The following PRKN variants were observed in gnomAD, a reference collection of about 807,000 sequenced individuals.
The protein encoded by PRKN is E3 ubiquitin-protein ligase parkin.
In PRKN, 56 loss-of-function variants were observed where a neutral mutation model predicts 59.5. The observed-to-expected ratio is 0.94, with a 90% confidence interval of 0.76 to 1.18. The LOEUF (loss-of-function observed/expected upper bound fraction) is 1.18, where lower values mean the gene tolerates loss of function less well. Ranked by LOEUF, PRKN falls within the 50% of genes most tolerant of loss-of-function variation. PRKN has a pLI of 0.00. For missense variants in PRKN, 657 were observed against 596.4 expected (o/e 1.10, Z -1.06); for synonymous variants, 250 against 222.1 (o/e 1.13, Z -1.12).
intron 1 of PRKN, among the ~76,000 whole-genome samples, chr6:162,718,827 A>G (rs947365542): frequency 1.3e-5 from 2 of 152,252 alleles, no homozygotes; most frequent in Middle Eastern, 3.2e-3. Flanking sequence ...GAGACTTGGT[A>G]TAAAACTCAA....
chr6:162,055,941 A>C (rs1470036345), intron 4 of PRKN, among the ~76,000 whole-genome samples: 1 of 151,788 alleles, frequency 6.6e-6, no homozygotes, highest in Non-Finnish European at 1.5e-5. Flanking sequence ...GTGTGCACAC[A>C]CACATGCATG....
chr6:161,956,222 A>G (rs1165073639), intron 6 of PRKN, among the ~76,000 whole-genome samples: 1 of 152,188 alleles, frequency 6.6e-6, no homozygotes, highest in Non-Finnish European at 1.5e-5. Context: ...TTTGAACACA[A>G]CATTCTTTCT....
intron 2 of PRKN, among the ~76,000 whole-genome samples, chr6:162,318,378 T>G (rs1305249116): frequency 6.6e-6 from 1 of 152,102 alleles, no homozygotes; most frequent in Non-Finnish European, 1.5e-5. Flanking sequence ...ATTTATCCAC[T>G]TATTCATTGA....
At chr6:162,570,268 C>G (rs10080708) in intron 1 of PRKN, among the ~76,000 whole-genome samples, 11,162 of 152,182 alleles carry the variant, frequency 0.073, 448 homozygotes, top group Middle Eastern at 0.13. Flanking sequence ...TTATCTCACC[C>G]CAGGTAAAAT....
intron 7 of PRKN, among the ~76,000 whole-genome samples, chr6:161,662,471 T>C (rs1323360452): frequency 6.6e-6 from 1 of 152,196 alleles, no homozygotes; most frequent in Non-Finnish European, 1.5e-5. Flanking sequence ...CAGTGGCACA[T>C]GGCAGTGGCA....
At chr6:161,534,287 T>C (rs16892737) in intron 9 of PRKN, among the ~76,000 whole-genome samples, 13,545 of 152,188 alleles carry the variant, frequency 0.089, 933 homozygotes, top group African/African-American at 0.19. Context: ...CACTTCCAGG[T>C]CAAATTTCTC....
intron 2 of PRKN, among the ~76,000 whole-genome samples, chr6:162,369,283 AG>A (rs1288580440): frequency 2.0e-5 from 3 of 152,186 alleles, no homozygotes; most frequent in Non-Finnish European, 4.4e-5. Context: ...AGGGAACACA[AG>A]GGAACAGGCA....
rs1219405732 is a variant in PRKN at position 161,403,541 on chromosome 6, TTC to T, written c.1084-16666_1084-16665del. ...TCACAAGCATTTGTTGAGAGGATGC[TTC>T]TCTCTGGCAGTGCAGGGCCTCAGGG... On this transcript the variant is annotated intron_variant, in intron 9 of 11. Coordinates refer to ENST00000366898, the MANE Select transcript of PRKN (RefSeq NM_004562.3). 2.0e-5 allele frequency among the ~76,000 whole-genome samples: 3 copies of T among 152,174 alleles called. No homozygotes were observed. In the East Asian group the frequency reaches 5.8e-4, roughly 29 times the overall value.
At chr6:161,453,489 A>G (rs2115132776) in intron 9 of PRKN, among the ~76,000 whole-genome samples, 1 of 152,320 alleles carries the variant, frequency 6.6e-6, no homozygotes, top group African/African-American at 2.4e-5. Context: ...ATCTACAATC[A>G]GTGGGATTGC....
intron 1 of PRKN, among the ~76,000 whole-genome samples, chr6:162,676,103 TAGAG>T (rs1267416327): frequency 1.3e-5 from 2 of 152,304 alleles, no homozygotes; most frequent in African/African-American, 4.8e-5. Flanking sequence ...TTTTCATACT[TAGAG>T]AGGAAGACAC....
intron 7 of PRKN, among the ~76,000 whole-genome samples, chr6:161,672,077 G>A (rs545604251): frequency 6.6e-6 from 1 of 152,172 alleles, no homozygotes; most frequent in Admixed American, 6.5e-5. Context: ...CAACTTTCTT[G>A]GTAACTCTTG....
intron 4 of PRKN, among the ~76,000 whole-genome samples, chr6:162,193,450 G>T (rs1784371764): frequency 6.6e-6 from 1 of 152,090 alleles, no homozygotes; most frequent in African/African-American, 2.4e-5. Flanking sequence ...TACTTACTCA[G>T]TCCACCTTCG....
intron 5 of PRKN, among the ~76,000 whole-genome samples, chr6:161,983,937 C>T (rs1781341334): frequency 6.6e-6 from 1 of 151,742 alleles, no homozygotes; most frequent in Non-Finnish European, 1.5e-5. Context: ...AAAAGGTTTG[C>T]AGTCATTACT....
intron 7 of PRKN, among the ~76,000 whole-genome samples, chr6:161,638,594 T>C (rs981274302): frequency 7.9e-5 from 12 of 152,200 alleles, no homozygotes; most frequent in African/African-American, 2.7e-4. Context: ...GGTTTGACTA[T>C]GTCCCCACTC....
chr6:161,618,470 CT>C (rs1782774051), intron 7 of PRKN, among the ~76,000 whole-genome samples: 1 of 152,090 alleles, frequency 6.6e-6, no homozygotes, highest in African/African-American at 2.4e-5. Flanking sequence ...CCAGCTTTTC[CT>C]TTTCTCTCTC....
chr6:162,135,885 G>C (rs1234175409), intron 4 of PRKN, among the ~76,000 whole-genome samples: 1 of 151,912 alleles, frequency 6.6e-6, no homozygotes, highest in Non-Finnish European at 1.5e-5. Context: ...GTCATATTAG[G>C]ATGAACTAAG....
chr6:161,466,439 T>G lies in PRKN; in HGVS notation c.1084-79562A>C, dbSNP rs1303477150. On this transcript the variant is annotated intron_variant, in intron 9 of 11. Transcript: ENST00000366898. The surrounding 1 kb of genome is among the most constrained non-coding windows in gnomAD (Gnocchi z 5.0). ...TTTGTTACGGTAGAAATCTAGAAAA[T>G]AGTTTTATCATTTCTCCTCCAGTCA... Among the ~76,000 whole-genome samples, 1 of 152,278 alleles carries G rather than the reference T, an allele frequency of 6.6e-6. No homozygotes were observed. The highest frequency in any genetic ancestry group is 3.4e-3 in the Middle Eastern group (1 of 294).
intron 1 of PRKN, among the ~76,000 whole-genome samples, chr6:162,684,976 C>A (rs1033344384): frequency 6.6e-6 from 1 of 152,002 alleles, no homozygotes; most frequent in South Asian, 2.1e-4. Flanking sequence ...AACATGTTTA[C>A]GGTGTAAAAA....
At chr6:162,232,010 C>T (rs1778443259) in intron 3 of PRKN, among the ~76,000 whole-genome samples, 1 of 152,096 alleles carries the variant, frequency 6.6e-6, no homozygotes, top group African/African-American at 2.4e-5. Flanking sequence ...TCACTGTGAC[C>T]ACTTCCATAC....
Sources: allele counts gnomAD v4.1 joint callset (sites outside exome capture counted in the v4.1 genomes callset), GRCh38; gene constraint gnomAD v4.1.1; non-coding constraint Gnocchi (gnomAD v3.1); transcripts MANE v1.5; gene names NCBI Gene and HGNC (gene_info 2026-07-23, HGNC 2026-07-21).